Variants in NACC2 observed in about 807,000 individuals in gnomAD.
The protein encoded by NACC2 is NACC family member 2, also known as nucleus accumbens-associated protein 2.
NACC2 carries 8 observed loss-of-function variants against 25.1 expected under a neutral mutation model. That is an observed-to-expected ratio of 0.32 (90% confidence interval 0.19 to 0.57). The LOEUF (loss-of-function observed/expected upper bound fraction) is 0.57. NACC2 is among the 20% of genes least tolerant of loss of function. The probability of loss-of-function intolerance (pLI) is 0.89; values close to 1 mark genes in which losing one functional copy is unlikely to be tolerated. For missense variants in NACC2, 644 were observed against 650.2 expected, an observed-to-expected ratio of 0.99 and a Z score of 0.10; for synonymous variants, 435 against 294.7, an observed-to-expected ratio of 1.48 and a Z score of -4.88.
Position 136,019,216 on chromosome 9 carries a change from C to G in NACC2, c.887-2787G>C, listed in dbSNP as rs1047055301. The stretch of plus-strand genomic sequence containing the variant: ...GGTCCAGGCTACAACTGGGCTTTAA[C>G]GGAGAACCCGCAGAGAGACTTGTTC... On this transcript the variant is annotated intron_variant, in intron 2 of 5. Transcript: ENST00000277554. This position sits in a 1 kb window ranked among gnomAD's most constrained non-coding sequence, Gnocchi z 5.2. 1 of 152,206 alleles carries G rather than the reference C, an allele frequency of 6.6e-6. No individual in the cohort carries two copies. The allele number at this position is 152,206 out of a possible 1,614,324, so 9.4% of individuals were successfully genotyped here.
chr9:136,055,918 G>A lies in NACC2; in HGVS notation c.-59-5338C>T, dbSNP rs1306420832. Among the ~76,000 whole-genome samples the A allele has an allele frequency of 6.6e-6, 1 of 152,216 alleles. No homozygotes were observed. The highest frequency in any genetic ancestry group is 1.5e-5 in the Non-Finnish European group (1 of 68,042). Reference sequence around the variant, plus strand: ...GAAGGTGTGGGGATGGGGCGGGCCTGCTGTGCCAGGTGCTCTGGAGTCAGC... The same window carrying A: ...GAAGGTGTGGGGATGGGGCGGGCCTACTGTGCCAGGTGCTCTGGAGTCAGC... On this transcript the variant is annotated intron_variant, in intron 1 of 5. Transcript: ENST00000277554. This position sits in a 1 kb window ranked among gnomAD's most constrained non-coding sequence, Gnocchi z 4.9.
chr9:136,092,773 C>T (rs1040075701), intron 1 of NACC2, among the ~76,000 whole-genome samples: 7 of 152,180 alleles, frequency 4.6e-5, no homozygotes, highest in East Asian at 3.9e-4. Context: ...CTTGGTTCTC[C>T]GGAGAAACAT....
At chr9:136,062,011 T>A (rs1841017248) in intron 1 of NACC2, among the ~76,000 whole-genome samples, 1 of 151,960 alleles carries the variant, frequency 6.6e-6, no homozygotes. Context: ...TCCCAGCTAC[T>A]CAGGAGGCTG....
rs1023817153 is a variant in NACC2, at chr9:136,022,733, G to A, written c.887-6304C>T. ...CAGTGCTGGCTGGGGCAGTGCCTCT[G>A]TCATCCTCCAGAAAGACCAGAAACG... On this transcript the variant is annotated intron_variant, in intron 2 of 5. Coordinates refer to ENST00000277554, the MANE Select transcript of NACC2 (RefSeq NM_144653.5). The surrounding 1 kb of genome is among the most constrained non-coding windows in gnomAD (Gnocchi z 4.4). 5.3e-5 allele frequency among the ~76,000 whole-genome samples: 8 copies of A among 152,074 alleles called. No individual in the cohort carries two copies. Among genetic ancestry groups the A allele is most frequent in the Non-Finnish European group, 5.9e-5 (4 of 68,024 alleles).
rs1410338397 is a variant in NACC2, at chr9:136,086,579, G to T, written c.-60+8610C>A. Among the ~76,000 whole-genome samples, 1 of 152,170 alleles carries T rather than the reference G, an allele frequency of 6.6e-6. No individual in the cohort carries two copies. The highest frequency in any genetic ancestry group is 6.5e-5 in the Admixed American group (1 of 15,282). On this transcript the variant is annotated intron_variant, in intron 1 of 5. Transcript: ENST00000277554. The surrounding 1 kb of genome is among the most constrained non-coding windows in gnomAD (Gnocchi z 5.6). ...CCCCGGGCTCCACTGTGACCCACACGCTGTCATTTCCAGGCCACTTCCTAT... is the reference window on the plus strand; with the variant it reads ...CCCCGGGCTCCACTGTGACCCACACTCTGTCATTTCCAGGCCACTTCCTAT...
In NACC2 at chr9:136,041,419, GA is replaced by G. The variant is rs1307266023; in HGVS notation, c.886+8216del. On this transcript the variant is annotated intron_variant, in intron 2 of 5. Transcript: ENST00000277554. ...TGGGTAAGAGTGAGACATGATCTGA[GA>G]AAAAAAAAAAAAGAAATAAAGAAAA... Among the ~76,000 whole-genome samples, 233 of 128,646 alleles carry G rather than the reference GA, an allele frequency of 1.8e-3. 1 individual carries two copies. Among genetic ancestry groups the G allele is most frequent in the African/African-American group, 2.5e-3 (87 of 35,204 alleles). The allele number at this position is 128,646 out of a possible 152,430, so 84.4% of individuals were successfully genotyped here.
At chr9:136,066,065 T>C (rs1215428363) in intron 1 of NACC2, among the ~76,000 whole-genome samples, 1 of 151,410 alleles carries the variant, frequency 6.6e-6, no homozygotes, top group Non-Finnish European at 1.5e-5. Flanking sequence ...TGGTGGTGGG[T>C]GCCTGTAACC....
chr9:136,035,011 C>T (rs7044271), intron 2 of NACC2, among the ~76,000 whole-genome samples: 137,788 of 152,140 alleles, frequency 0.91, 63,536 homozygotes, highest in Non-Finnish European at 1. Context: ...GGAGAATCAC[C>T]TGAACCCAGG....
chr9:136,025,850 G>A (rs1840378752), intron 2 of NACC2, among the ~76,000 whole-genome samples: 1 of 152,100 alleles, frequency 6.6e-6, no homozygotes, highest in African/African-American at 2.4e-5. Flanking sequence ...AGGAGGCAGA[G>A]GTTGCAGTGA....
intron 2 of NACC2, among the ~76,000 whole-genome samples, chr9:136,036,983 A>G (rs4842083): frequency 0.39 from 59,709 of 152,066 alleles, 12,103 homozygotes; most frequent in East Asian, 0.64. Flanking sequence ...AAAGCAGCCT[A>G]AGAAGAAGAC....
In NACC2 at chr9:136,084,875, G is replaced by A. The variant is rs891763450; in HGVS notation, c.-60+10314C>T. Among the ~76,000 whole-genome samples the A allele has an allele frequency of 1.3e-5, 2 of 152,190 alleles. No homozygotes were observed. The highest frequency in any genetic ancestry group is 2.9e-5 in the Non-Finnish European group (2 of 68,032). On this transcript the variant is annotated intron_variant, in intron 1 of 5. Transcript: ENST00000277554. This position sits in a 1 kb window ranked among gnomAD's most constrained non-coding sequence, Gnocchi z 5.1. The stretch of plus-strand genomic sequence containing the variant: ...TGGGACTCCACTCACATGCAGTCCC[G>A]GAAGCAGGCCTACAGAGACAGGAAG...
Position 136,013,257 on chromosome 9 carries a change from C to G in NACC2, c.1197G>C (p.Ser399=), listed in dbSNP as rs764791272. Residue 399 remains serine (S), a synonymous_variant, in exon 5 of 6, where the codon TCG becomes TCC. Coordinates refer to ENST00000277554, the MANE Select transcript of NACC2 (RefSeq NM_144653.5). The surrounding 1 kb of genome is among the most constrained non-coding windows in gnomAD (Gnocchi z 6.6). ...LANSCGTGIR[S]STSDPSRKPL... ...GCTTCCGGCTGGGGTCGCTGGTGGA[C>G]GAGCGGATGCCAGTCCCGCAGCTGT... 74 of 1,602,776 alleles carry G rather than the reference C, an allele frequency of 4.6e-5. No individual in the cohort carries two copies. The highest frequency in any genetic ancestry group is 5.9e-5 in the Non-Finnish European group (69 of 1,174,334).
chr9:136,051,875 CAAG>C lies in NACC2; in HGVS notation c.-59-1298_-59-1296del, dbSNP rs1204113932. Among the ~76,000 whole-genome samples, 27 of 105,246 alleles carry C rather than the reference CAAG, an allele frequency of 2.6e-4. 1 individual carries two copies. In the East Asian group the frequency reaches 3.3e-3, roughly 13 times the overall value. The allele number at this position is 105,246 out of a possible 152,430, so 69.0% of individuals were successfully genotyped here. A position where few individuals can be genotyped will look rare whatever the true frequency, so the allele number is the denominator to read the frequency against. ...GGGCGGGGAGGGCGCAGGGAGCCGG[CAAG>C]GAGGAGGAGGAGGAGGAGGAGGAGG... is the stretch of plus-strand genomic sequence containing the variant. On this transcript the variant is annotated intron_variant, in intron 1 of 5. Coordinates refer to ENST00000277554, the MANE Select transcript of NACC2 (RefSeq NM_144653.5).
intron 2 of NACC2, among the ~76,000 whole-genome samples, chr9:136,046,425 G>A (rs546971451): frequency 2.6e-5 from 4 of 152,214 alleles, no homozygotes; most frequent in South Asian, 2.1e-4. Flanking sequence ...CGAGGCTGCC[G>A]GCCACAGGGC....
At chr9:136,074,066 G>A (rs1830229088) in intron 1 of NACC2, among the ~76,000 whole-genome samples, 1 of 152,068 alleles carries the variant, frequency 6.6e-6, no homozygotes, top group African/African-American at 2.4e-5. Context: ...AGCACTTTGG[G>A]AGGCTGAAGC....
intron 1 of NACC2, among the ~76,000 whole-genome samples, chr9:136,076,137 C>T (rs4841911): frequency 0.26 from 39,349 of 152,158 alleles, 5,451 homozygotes; most frequent in East Asian, 0.4. Context: ...GTGATGACAC[C>T]CCATACCCCG....
In NACC2 at chr9:136,086,521, C is replaced by T. The variant is rs1830380306; in HGVS notation, c.-60+8668G>A. On this transcript the variant is annotated intron_variant, in intron 1 of 5. Coordinates refer to ENST00000277554, the MANE Select transcript of NACC2 (RefSeq NM_144653.5). This position sits in a 1 kb window ranked among gnomAD's most constrained non-coding sequence, Gnocchi z 5.6. ...TCGCATGCCCCCAGCTTCCCGACAG[C>T]CATCTGCCTGCCAGCACCCAGCCAC... 6.6e-6 allele frequency among the ~76,000 whole-genome samples: 1 copy of T among 152,136 alleles called. No individual in the cohort carries two copies.
chr9:136,090,520 G>A (rs753216369), intron 1 of NACC2, among the ~76,000 whole-genome samples: 1 of 152,106 alleles, frequency 6.6e-6, no homozygotes, highest in Non-Finnish European at 1.5e-5. Flanking sequence ...ATTTTGTGGG[G>A]TGGGGGCTGG....
At chr9:136,068,950 T>G (rs1488614456) in intron 1 of NACC2, among the ~76,000 whole-genome samples, 1 of 151,086 alleles carries the variant, frequency 6.6e-6, no homozygotes, top group Non-Finnish European at 1.5e-5. Flanking sequence ...GGAGTTTTAC[T>G]CTTGTTGCCC....
Sources: allele counts gnomAD v4.1 joint callset (sites outside exome capture counted in the v4.1 genomes callset), GRCh38; gene constraint gnomAD v4.1.1; non-coding constraint Gnocchi (gnomAD v3.1); transcripts MANE v1.5; gene names NCBI Gene and HGNC (gene_info 2026-07-23, HGNC 2026-07-21).